The following ADAMTS19 variants were observed in gnomAD, a reference collection of about 807,000 sequenced individuals.
ADAMTS19 encodes the protein A disintegrin and metalloproteinase with thrombospondin motifs 19.
A neutral mutation model predicts 153.3 loss-of-function variants in ADAMTS19; 93 were observed. The ratio of observed to expected loss-of-function variants is 0.61; its 90% confidence interval spans 0.51 to 0.72. The LOEUF (loss-of-function observed/expected upper bound fraction) is 0.72. ADAMTS19 is among the 30% of genes least tolerant of loss of function. ADAMTS19 has a pLI of 0.00. For synonymous variants in ADAMTS19, 600 were observed against 556.6 expected, an observed-to-expected ratio of 1.08 and a Z score of -1.10; for missense variants, 1,482 against 1,552.1, an observed-to-expected ratio of 0.95 and a Z score of 0.76.
chr5:129,626,120 T>C (rs1486423321), intron 10 of ADAMTS19, among the ~76,000 whole-genome samples: 2 of 152,132 alleles, frequency 1.3e-5, no homozygotes, highest in Admixed American at 6.6e-5. Flanking sequence ...AGCAGTTAAA[T>C]AATACTTTGA....
chr5:129,679,929 G>A lies in ADAMTS19; in HGVS notation c.2664+8G>A, dbSNP rs1324328883. On this transcript the variant is annotated splice_region_variant and intron_variant, in intron 17 of 22. Transcript: ENST00000274487. The stretch of plus-strand genomic sequence containing the variant: ...GCACCTTTACATCTTCTGGTATGAG[G>A]GAATGAATTGATAACATGGCATAAT... 10 of 1,608,076 alleles carry A rather than the reference G, an allele frequency of 6.2e-6. No homozygotes were observed. In the Admixed American group the frequency reaches 1.7e-4, roughly 27 times the overall value.
At chr5:129,700,588 T>A (rs1289851284) in intron 19 of ADAMTS19, among the ~76,000 whole-genome samples, 1 of 152,192 alleles carries the variant, frequency 6.6e-6, no homozygotes. Flanking sequence ...TTTGGTAAGG[T>A]ATTAAGCCTC....
At chr5:129,552,503 T>A (rs996220250) in intron 7 of ADAMTS19, among the ~76,000 whole-genome samples, 8 of 151,524 alleles carry the variant, frequency 5.3e-5, no homozygotes, top group African/African-American at 1.9e-4. Context: ...TATAAATGTA[T>A]CTATCCAAAG....
chr5:129,577,385 T>A (rs994455779), intron 7 of ADAMTS19, among the ~76,000 whole-genome samples: 3 of 152,106 alleles, frequency 2.0e-5, no homozygotes, highest in Non-Finnish European at 4.4e-5. Context: ...ACAGAGAATA[T>A]ACATATTAAA....
At chr5:129,701,997 T>C (rs1193740444) in intron 20 of ADAMTS19, among the ~76,000 whole-genome samples, 1 of 152,214 alleles carries the variant, frequency 6.6e-6, no homozygotes, top group Non-Finnish European at 1.5e-5. Context: ...TAATGTTTAG[T>C]ATATTGTTTA....
chr5:129,626,761 C>T (rs1752069350), intron 10 of ADAMTS19, among the ~76,000 whole-genome samples: 1 of 152,074 alleles, frequency 6.6e-6, no homozygotes, highest in Non-Finnish European at 1.5e-5. Flanking sequence ...AATCAAAGAT[C>T]CTACCTCCAT....
chr5:129,578,137 C>CAT (rs1749282811), intron 7 of ADAMTS19, among the ~76,000 whole-genome samples: 1 of 112,406 alleles, frequency 8.9e-6, no homozygotes, highest in African/African-American at 3.5e-5. Context: ...CGTACATATA[C>CAT]CTATATGCAT....
At chr5:129,598,992 C>T (rs1400156660) in intron 8 of ADAMTS19, among the ~76,000 whole-genome samples, 2 of 151,982 alleles carry the variant, frequency 1.3e-5, no homozygotes, top group African/African-American at 2.4e-5. Flanking sequence ...AGTTCAAACC[C>T]ATGTTGTTCA....
intron 9 of ADAMTS19, 42 bp downstream of exon 9, chr5:129,620,800 G>T: frequency 1.3e-6 from 2 of 1,594,096 alleles, no homozygotes; most frequent in Non-Finnish European, 1.7e-6. Flanking sequence ...GAATGATTAT[G>T]TGTGCTGTTT....
At chr5:129,544,208 T>C (rs1752766780) in intron 6 of ADAMTS19, among the ~76,000 whole-genome samples, 1 of 152,190 alleles carries the variant, frequency 6.6e-6, no homozygotes, top group South Asian at 2.1e-4. Flanking sequence ...AATAACAATA[T>C]TGTAGTAATC....
intron 20 of ADAMTS19, among the ~76,000 whole-genome samples, chr5:129,702,374 C>G (rs1755914297): frequency 6.6e-6 from 1 of 152,136 alleles, no homozygotes; most frequent in Non-Finnish European, 1.5e-5. Context: ...TGTACCAACA[C>G]ACCTACACAC....
chr5:129,730,162 T>A (rs911918705), intron 21 of ADAMTS19, among the ~76,000 whole-genome samples: 1 of 152,068 alleles, frequency 6.6e-6, no homozygotes. Flanking sequence ...TAGAGTGGTA[T>A]TGAGATTAAG....
At position 129,461,355 on chromosome 5, in the gene ADAMTS19, G is replaced by A. The variant is rs1749648606; in HGVS notation, c.345G>A (p.Ser115=). Residue 115 remains serine, a synonymous_variant, in exon 2 of 23, where the codon TCG becomes TCA. Transcript: ENST00000274487. This position sits in a 1 kb window ranked among gnomAD's most constrained non-coding sequence, Gnocchi z 4.6. The part of the protein sequence containing the change: ...SESRLRPPPP[S]EGEEDEELES... ...CCCGGCTCCGGCCCCCGCCGCCGTC[G>A]GAGGGTGAGGAGGACGAGGAGCTCG... The A allele has an allele frequency of 6.0e-6, 8 of 1,335,234 alleles. No homozygotes were observed. Among genetic ancestry groups the A allele is most frequent in the Non-Finnish European group, 7.6e-6 (8 of 1,052,502 alleles). 82.7% of individuals were successfully genotyped at this position (1,335,234 alleles called of 1,614,324 possible).
At chr5:129,596,245 A>T (rs1305697158) in intron 7 of ADAMTS19, among the ~76,000 whole-genome samples, 1 of 152,064 alleles carries the variant, frequency 6.6e-6, no homozygotes, top group African/African-American at 2.4e-5. Flanking sequence ...CCAAGTTATA[A>T]CTATTCATTT....
intron 21 of ADAMTS19, among the ~76,000 whole-genome samples, chr5:129,715,837 T>C (rs1756699801): frequency 6.6e-6 from 1 of 152,124 alleles, no homozygotes; most frequent in East Asian, 1.9e-4. Context: ...GGGATGGAAA[T>C]AGAAATTTCT....
chr5:129,725,106 A>G (rs1205224185), intron 21 of ADAMTS19, among the ~76,000 whole-genome samples: 1 of 152,116 alleles, frequency 6.6e-6, no homozygotes, highest in Non-Finnish European at 1.5e-5. Flanking sequence ...AAAGAAAAAC[A>G]TTACTAAGGA....
chr5:129,549,177 A>C (rs965501732), intron 6 of ADAMTS19, among the ~76,000 whole-genome samples: 2 of 143,832 alleles, frequency 1.4e-5, no homozygotes, highest in Non-Finnish European at 3.0e-5. Flanking sequence ...AAAGTATAAT[A>C]ATAATAAAAT....
chr5:129,494,644 C>T (rs1018887365), intron 2 of ADAMTS19, among the ~76,000 whole-genome samples: 3 of 152,116 alleles, frequency 2.0e-5, no homozygotes, highest in Non-Finnish European at 4.4e-5. Flanking sequence ...AATAGACACA[C>T]CAAGTTTAAC....
chr5:129,658,563 A>G, intron 14 of ADAMTS19, 54 bp from the exon 15 acceptor site: 1 of 1,576,274 alleles, frequency 6.3e-7, no homozygotes, highest in Non-Finnish European at 8.6e-7. Flanking sequence ...AATTAGTAGT[A>G]AAACAAGAAA....
Sources: allele counts gnomAD v4.1 joint callset (sites outside exome capture counted in the v4.1 genomes callset), GRCh38; gene constraint gnomAD v4.1.1; non-coding constraint Gnocchi (gnomAD v3.1); transcripts MANE v1.5; gene names NCBI Gene and HGNC (gene_info 2026-07-23, HGNC 2026-07-21).